The following VKORC1L1 variants were observed in gnomAD, a reference collection of about 807,000 sequenced individuals.
The protein encoded by VKORC1L1 is vitamin K epoxide reductase complex subunit 1-like protein 1.
A neutral mutation model predicts 18.9 loss-of-function variants in VKORC1L1; 2 were observed. The observed-to-expected ratio is 0.11, with a 90% CI of 0.04 to 0.33. The LOEUF (loss-of-function observed/expected upper bound fraction) is 0.33. VKORC1L1 is among the 10% of genes least tolerant of loss of function. VKORC1L1 has a pLI of 1.00. For synonymous variants in VKORC1L1, 96 were observed against 100.0 expected (o/e 0.96, Z 0.24); for missense variants, 123 against 224.1 (o/e 0.55, Z 2.88).
At chr7:65,886,454 C>T (rs1218172189) in intron 1 of VKORC1L1, among the ~76,000 whole-genome samples, 7 of 151,940 alleles carry the variant, frequency 4.6e-5, no homozygotes, top group Admixed American at 6.6e-5. Context: ...TGAGGTAATA[C>T]GCAATTGTTG....
chr7:65,911,832 C>G (rs1431589515), intron 1 of VKORC1L1, among the ~76,000 whole-genome samples: 1 of 152,172 alleles, frequency 6.6e-6, no homozygotes, highest in Non-Finnish European at 1.5e-5. Flanking sequence ...TGGTTTTGCT[C>G]TGATAGGCAT....
At chr7:65,873,018 C>G (rs1464216970), upstream of VKORC1L1, among the ~76,000 whole-genome samples, 1 of 146,286 alleles carries the variant, frequency 6.8e-6, no homozygotes, top group Non-Finnish European at 1.5e-5. Flanking sequence ...CCCTTTCTCC[C>G]CCGGGCTCCA....
At chr7:65,908,369 C>T (rs1218064873) in intron 1 of VKORC1L1, among the ~76,000 whole-genome samples, 13 of 151,568 alleles carry the variant, frequency 8.6e-5, no homozygotes, top group South Asian at 2.1e-4. Context: ...GCCGAGATCG[C>T]GCCACTGCAC....
At chr7:65,888,966 T>C (rs1477115064) in intron 1 of VKORC1L1, among the ~76,000 whole-genome samples, 1 of 152,140 alleles carries the variant, frequency 6.6e-6, no homozygotes, top group Non-Finnish European at 1.5e-5. Flanking sequence ...CCATAATCCA[T>C]GTCCTCCCCA....
chr7:65,883,745 G>A (rs973451056), intron 1 of VKORC1L1, among the ~76,000 whole-genome samples: 3 of 150,970 alleles, frequency 2.0e-5, no homozygotes, highest in Non-Finnish European at 3.0e-5. Context: ...TAATCTGCCC[G>A]CCTCGGCCTC....
At chr7:65,887,150 G>A (rs1402008240) in intron 1 of VKORC1L1, among the ~76,000 whole-genome samples, 2 of 151,802 alleles carry the variant, frequency 1.3e-5, no homozygotes, top group Non-Finnish European at 2.9e-5. Flanking sequence ...TGCCTGGCCG[G>A]GAAGGTAAGA....
At position 65,959,290 on chromosome 7, in the gene VKORC1L1, G is replaced by A. The variant is rs1790356342; in HGVS notation, c.*4990G>A. 1 of 152,126 alleles carries A rather than the reference G, an allele frequency of 6.6e-6. No individual in the cohort carries two copies. Among genetic ancestry groups the A allele is most frequent in the African/African-American group, 2.4e-5 (1 of 41,430 alleles). The allele number at this position is 152,126 out of a possible 1,614,324, so 9.4% of individuals were successfully genotyped here. On this transcript the variant is annotated 3_prime_UTR_variant, in exon 3 of 3. Coordinates refer to ENST00000360768, the MANE Select transcript of VKORC1L1 (RefSeq NM_173517.6). ...ACTGCACTGCAGCCTAGGCGACAGAGGAAGACTCCAGCTCAAGAAAAAAAA... is the reference window on the plus strand; with the variant it reads ...ACTGCACTGCAGCCTAGGCGACAGAAGAAGACTCCAGCTCAAGAAAAAAAA...
At chr7:65,911,438 C>T (rs557797655) in intron 1 of VKORC1L1, among the ~76,000 whole-genome samples, 1 of 152,176 alleles carries the variant, frequency 6.6e-6, no homozygotes, top group South Asian at 2.1e-4. Context: ...TTGATTCTGC[C>T]ATACCTGCCT....
chr7:65,945,156 A>G (rs566565943), intron 1 of VKORC1L1, among the ~76,000 whole-genome samples: 2 of 151,508 alleles, frequency 1.3e-5, no homozygotes, highest in African/African-American at 2.4e-5. Flanking sequence ...AACTACTCAA[A>G]AGGCTGAGGC....
chr7:65,872,313 G>A (rs551248905), upstream of VKORC1L1, among the ~76,000 whole-genome samples: 8 of 150,424 alleles, frequency 5.3e-5, no homozygotes, highest in South Asian at 1.1e-3. Context: ...CAAGGCATTC[G>A]TAAATCTCTC....
rs185985879 is a variant in VKORC1L1 at position 65,885,101 on chromosome 7, A to G, written c.194+11536A>G. Among the ~76,000 whole-genome samples, 237 of 152,290 alleles carry G rather than the reference A, an allele frequency of 1.6e-3. 1 individual carries two copies. The highest frequency in any genetic ancestry group is 5.5e-3 in the African/African-American group (230 of 41,550). ...ATATGTAATTTGTTAGTTCTGAAAAACATGACTTCTTAAATCTCCTAGCAT... is the reference window on the plus strand; with the variant it reads ...ATATGTAATTTGTTAGTTCTGAAAAGCATGACTTCTTAAATCTCCTAGCAT... On this transcript the variant is annotated intron_variant, in intron 1 of 2. Coordinates refer to ENST00000360768, the MANE Select transcript of VKORC1L1 (RefSeq NM_173517.6).
At chr7:65,906,002 C>G (rs1265782107) in intron 1 of VKORC1L1, among the ~76,000 whole-genome samples, 1 of 152,000 alleles carries the variant, frequency 6.6e-6, no homozygotes, top group Non-Finnish European at 1.5e-5. Flanking sequence ...TTTTCTTCAT[C>G]AACCTAGTTT....
intron 1 of VKORC1L1, among the ~76,000 whole-genome samples, chr7:65,920,304 A>G (rs1222904241): frequency 6.6e-6 from 1 of 151,960 alleles, no homozygotes; most frequent in Non-Finnish European, 1.5e-5. Flanking sequence ...AATGTTGTCT[A>G]TTTTGTTTAT....
chr7:65,942,896 A>G (rs897045447), intron 1 of VKORC1L1, among the ~76,000 whole-genome samples: 4 of 152,190 alleles, frequency 2.6e-5, no homozygotes, highest in Non-Finnish European at 5.9e-5. Context: ...CTGATCGCCT[A>G]TGACTTGATT....
intron 1 of VKORC1L1, among the ~76,000 whole-genome samples, chr7:65,899,775 G>A (rs766172624): frequency 4.6e-5 from 7 of 151,054 alleles, no homozygotes; most frequent in East Asian, 3.9e-4. Flanking sequence ...TGAGACAGGC[G>A]GATCATCTTA....
chr7:65,882,106 G>A (rs1301722174), intron 1 of VKORC1L1, among the ~76,000 whole-genome samples: 1 of 141,384 alleles, frequency 7.1e-6, no homozygotes, highest in African/African-American at 2.7e-5. Flanking sequence ...TAGACTGGGT[G>A]TAGTGGCTCA....
chr7:65,934,292 C>A (rs145901935), intron 1 of VKORC1L1, among the ~76,000 whole-genome samples: 146 of 152,098 alleles, frequency 9.6e-4, no homozygotes, highest in Non-Finnish European at 1.6e-3. Flanking sequence ...TTATGGAGTA[C>A]AACATGATGT....
At chr7:65,920,921 AGAAG>A (rs1319722720) in intron 1 of VKORC1L1, among the ~76,000 whole-genome samples, 5 of 152,120 alleles carry the variant, frequency 3.3e-5, no homozygotes, top group Non-Finnish European at 7.3e-5. Flanking sequence ...GAGAAAAAGG[AGAAG>A]GAAAGAAAGA....
At chr7:65,917,810 T>C (rs1243505808) in intron 1 of VKORC1L1, among the ~76,000 whole-genome samples, 1 of 152,202 alleles carries the variant, frequency 6.6e-6, no homozygotes, top group Non-Finnish European at 1.5e-5. Context: ...TACAATGAAA[T>C]ACACAGATTT....
Sources: gnomAD v4.1 joint callset for allele counts (sites outside exome capture counted in the v4.1 genomes callset) on GRCh38, gnomAD v4.1.1 for gene constraint, MANE v1.5 for transcripts, NCBI Gene and HGNC (gene_info 2026-07-23, HGNC 2026-07-21) for gene names.